The following ACOXL variants were observed in gnomAD, a reference collection of about 807,000 sequenced individuals.
ACOXL encodes the protein acyl-coenzyme A oxidase-like protein.
Under a neutral mutation model 71.9 loss-of-function variants are expected in ACOXL, and 70 were observed. The observed-to-expected ratio is 0.97, with a 90% confidence interval of 0.80 to 1.19. The LOEUF (loss-of-function observed/expected upper bound fraction) is 1.19, where lower values mean the gene tolerates loss of function less well. Among genes scored for constraint, ACOXL ranks in the 50% most tolerant of loss-of-function variants. ACOXL has a pLI of 0.00. For missense variants in ACOXL, 703 were observed against 736.3 expected, an observed-to-expected ratio of 0.95 and a Z score of 0.52; for synonymous variants, 253 against 281.6, an observed-to-expected ratio of 0.90 and a Z score of 1.02.
intron 14 of ACOXL, among the ~76,000 whole-genome samples, chr2:111,030,838 T>C (rs1343460015): frequency 6.6e-6 from 1 of 152,254 alleles, no homozygotes; most frequent in Non-Finnish European, 1.5e-5. Flanking sequence ...TTAACTCTCC[T>C]GTCTGGTCAG....
intron 7 of ACOXL, among the ~76,000 whole-genome samples, chr2:110,801,404 G>C (rs1030309454): frequency 2.0e-5 from 3 of 152,188 alleles, no homozygotes; most frequent in African/African-American, 7.2e-5. Context: ...GCACATGCAG[G>C]CTGCACAGAA....
At chr2:110,772,673 A>G (rs1036795600) in intron 2 of ACOXL, among the ~76,000 whole-genome samples, 5 of 151,848 alleles carry the variant, frequency 3.3e-5, no homozygotes, top group Non-Finnish European at 5.9e-5. Flanking sequence ...TTTTATCCCC[A>G]TGATCCACAC....
At chr2:111,056,002 T>A (rs2066517158) in intron 16 of ACOXL, among the ~76,000 whole-genome samples, 1 of 152,056 alleles carries the variant, frequency 6.6e-6, no homozygotes, top group South Asian at 2.1e-4. Context: ...GTTTACTGAG[T>A]CCCTATTGTG....
At chr2:111,067,371 A>T (rs936645767) in intron 16 of ACOXL, among the ~76,000 whole-genome samples, 1 of 152,366 alleles carries the variant, frequency 6.6e-6, no homozygotes, top group African/African-American at 2.4e-5. Context: ...TGAATCAAGT[A>T]TCCAATTTAA....
rs748902034 is a variant in ACOXL at position 110,805,223 on chromosome 2, G to T, written c.621-40G>T. 2.5e-6 allele frequency: 4 copies of T among 1,612,420 alleles called. No homozygotes were observed. The South Asian group carries it at 3.3e-5, about 13-fold the overall frequency. ...CTGACTTCGTTTCTGGTGGTGCTAT[G>T]TCCTGCTTTTTTGTGAAACCCCACC... On this transcript the variant is annotated intron_variant, in intron 8 of 17. Coordinates refer to ENST00000439055, the MANE Select transcript of ACOXL (RefSeq NM_001142807.4).
intron 10 of ACOXL, among the ~76,000 whole-genome samples, chr2:110,842,958 G>A (rs1030628078): frequency 1.3e-5 from 2 of 152,168 alleles, no homozygotes; most frequent in Non-Finnish European, 2.9e-5. Flanking sequence ...CTCTTCCCTT[G>A]TAACCCCAGC....
At chr2:110,903,259 T>G (rs1282942676) in intron 10 of ACOXL, among the ~76,000 whole-genome samples, 1 of 152,256 alleles carries the variant, frequency 6.6e-6, no homozygotes, top group Non-Finnish European at 1.5e-5. Flanking sequence ...CCCCAGAGGC[T>G]GCGCCTGCAG....
At chr2:110,800,612 G>A (rs1685866953) in intron 7 of ACOXL, among the ~76,000 whole-genome samples, 1 of 151,880 alleles carries the variant, frequency 6.6e-6, no homozygotes, top group East Asian at 1.9e-4. Flanking sequence ...CCAAGATCAT[G>A]CCAAGCCAAG....
At chr2:110,935,772 G>A (rs192822517) in intron 12 of ACOXL, among the ~76,000 whole-genome samples, 1 of 151,916 alleles carries the variant, frequency 6.6e-6, no homozygotes, top group African/African-American at 2.4e-5. Context: ...ACACTAACAG[G>A]GTGCTCTGCA....
At chr2:111,109,096 G>T (rs562202177) in intron 17 of ACOXL, among the ~76,000 whole-genome samples, 2 of 152,258 alleles carry the variant, frequency 1.3e-5, no homozygotes, top group African/African-American at 4.8e-5. Context: ...GACCTCAGCT[G>T]CATCATTCCA....
intron 13 of ACOXL, among the ~76,000 whole-genome samples, chr2:110,991,055 T>C (rs1219309137): frequency 3.3e-5 from 5 of 152,328 alleles, no homozygotes; most frequent in African/African-American, 1.2e-4. Context: ...TTCATCAAAT[T>C]TGAAAATAAT....
chr2:111,020,581 A>ACATGTG (rs1349762520), intron 14 of ACOXL, among the ~76,000 whole-genome samples: 1 of 152,186 alleles, frequency 6.6e-6, no homozygotes, highest in Non-Finnish European at 1.5e-5. Context: ...GTGTGTGTGC[A>ACATGTG]CATGTGCATG....
chr2:110,892,721 T>C (rs986142724), intron 10 of ACOXL, among the ~76,000 whole-genome samples: 9 of 152,178 alleles, frequency 5.9e-5, no homozygotes, highest in African/African-American at 1.2e-4. Context: ...TGAAAAAAGC[T>C]ATATCCAGGG....
intron 17 of ACOXL, among the ~76,000 whole-genome samples, chr2:111,112,093 C>T (rs1186297951): frequency 6.6e-6 from 1 of 152,176 alleles, no homozygotes; most frequent in Admixed American, 6.5e-5. Context: ...TCTATTCTAA[C>T]ATTTCAGATT....
chr2:110,863,654 G>A (rs1435397424), intron 10 of ACOXL, among the ~76,000 whole-genome samples: 3 of 152,132 alleles, frequency 2.0e-5, no homozygotes, highest in Admixed American at 6.5e-5. Flanking sequence ...ATTCTGAGAT[G>A]GGTGGGACAC....
At chr2:110,781,459 G>C (rs952894762) in intron 2 of ACOXL, among the ~76,000 whole-genome samples, 5 of 151,896 alleles carry the variant, frequency 3.3e-5, no homozygotes, top group Non-Finnish European at 7.4e-5. Context: ...GGCCAGCATG[G>C]TGAAACCCCA....
chr2:110,838,470 G>A (rs1690730467), intron 9 of ACOXL, among the ~76,000 whole-genome samples: 1 of 152,128 alleles, frequency 6.6e-6, no homozygotes, highest in South Asian at 2.1e-4. Flanking sequence ...AGATGATGGA[G>A]GTTCCTAAGG....
chr2:110,737,568 A>C (rs1423396384), intron 1 of ACOXL, among the ~76,000 whole-genome samples: 1 of 152,072 alleles, frequency 6.6e-6, no homozygotes, highest in Non-Finnish European at 1.5e-5. Context: ...TCCTTTATCC[A>C]TTTGCTTAGT....
chr2:110,943,141 A>G (rs2060945038), intron 12 of ACOXL, among the ~76,000 whole-genome samples: 1 of 132,282 alleles, frequency 7.6e-6, no homozygotes, highest in African/African-American at 2.6e-5. Context: ...GAAGGAAAGA[A>G]GGAAGAAAGA....
Sources: gnomAD v4.1 joint callset for allele counts (sites outside exome capture counted in the v4.1 genomes callset) on GRCh38, gnomAD v4.1.1 for gene constraint, MANE v1.5 for transcripts, NCBI Gene and HGNC (gene_info 2026-07-23, HGNC 2026-07-21) for gene names.